RBFOX1: variants seen among roughly 807,000 people sequenced by gnomAD.
The protein encoded by RBFOX1 is RNA binding protein fox-1 homolog 1.
In RBFOX1, 8 loss-of-function variants were observed where a neutral mutation model predicts 57.7. The observed-to-expected ratio is 0.14, with a 90% CI of 0.08 to 0.25. The LOEUF is 0.25. Ranked by LOEUF, RBFOX1 falls within the 10% of genes least tolerant of loss-of-function variation. The pLI is 1.00. For missense variants in RBFOX1, 611 were observed against 548.5 expected, an observed-to-expected ratio of 1.11 and a Z score of -1.14; for synonymous variants, 326 against 222.4, an observed-to-expected ratio of 1.47 and a Z score of -4.15.
intron 2 of RBFOX1, among the ~76,000 whole-genome samples, chr16:5,543,215 G>T (rs1277668340): frequency 6.6e-6 from 1 of 152,130 alleles, no homozygotes; most frequent in Non-Finnish European, 1.5e-5. Flanking sequence ...AAAGAAGCAT[G>T]AAAATACAAC....
At position 6,837,932 on chromosome 16, in the gene RBFOX1, A is replaced by T. The variant is rs1245508818; in HGVS notation, c.-16+183282A>T. Among the ~76,000 whole-genome samples the T allele has an allele frequency of 2.0e-5, 3 of 152,018 alleles. No individual in the cohort carries two copies. In the East Asian group the frequency reaches 5.8e-4, roughly 29 times the overall value. Reference sequence around the variant, plus strand: ...TTACTGTCACCATGGCAACAGCAGGAAGTTACCACCTCTTTCCATGGCAAC... The same window carrying T: ...TTACTGTCACCATGGCAACAGCAGGTAGTTACCACCTCTTTCCATGGCAAC... On this transcript the variant is annotated intron_variant, in intron 3 of 15. Transcript: ENST00000550418.
chr16:6,635,919 G>T (rs2098427312), intron 2 of RBFOX1, among the ~76,000 whole-genome samples: 2 of 152,114 alleles, frequency 1.3e-5, no homozygotes, highest in South Asian at 4.1e-4. Context: ...TTGGAATATT[G>T]ACACATACAT....
At chr16:5,633,965 C>G (rs1390048365) in intron 3 of RBFOX1, among the ~76,000 whole-genome samples, 1 of 152,118 alleles carries the variant, frequency 6.6e-6, no homozygotes, top group Admixed American at 6.6e-5. Context: ...ATCACGATGC[C>G]CATTTGAAGG....
At chr16:7,514,686 C>T (rs182688065) in intron 4 of RBFOX1, among the ~76,000 whole-genome samples, 4 of 152,186 alleles carry the variant, frequency 2.6e-5, no homozygotes, top group African/African-American at 7.2e-5. Context: ...AGCTGAGGGG[C>T]AGTAAATGTG....
chr16:5,260,346 A>G (rs1173341181), intron 1 of RBFOX1, among the ~76,000 whole-genome samples: 5 of 152,348 alleles, frequency 3.3e-5, no homozygotes, highest in Middle Eastern at 3.4e-3. Flanking sequence ...ATATTAAGTG[A>G]GCAGCATTCC....
chr16:6,094,933 G>A (rs2096225909), intron 1 of RBFOX1, among the ~76,000 whole-genome samples: 1 of 152,184 alleles, frequency 6.6e-6, no homozygotes, highest in South Asian at 2.1e-4. Context: ...GGTGGTGCAT[G>A]CCTGTAGTCC....
At chr16:7,442,057 C>G (rs2098772232) in intron 4 of RBFOX1, among the ~76,000 whole-genome samples, 1 of 152,202 alleles carries the variant, frequency 6.6e-6, no homozygotes, top group African/African-American at 2.4e-5. Flanking sequence ...TGGCACATAG[C>G]AGAAAACATC....
chr16:5,577,476 C>A (rs2046502381), intron 2 of RBFOX1, among the ~76,000 whole-genome samples: 1 of 152,080 alleles, frequency 6.6e-6, no homozygotes, highest in Non-Finnish European at 1.5e-5. Context: ...ATAATGAACA[C>A]CTGTGAGCTT....
chr16:5,374,000 C>T (rs760339713), intron 1 of RBFOX1, among the ~76,000 whole-genome samples: 1 of 152,238 alleles, frequency 6.6e-6, no homozygotes, highest in Admixed American at 6.5e-5. Context: ...TCACTGCAAC[C>T]TCCAGCTTCT....
chr16:5,358,849 A>G (rs2151332380), intron 1 of RBFOX1, among the ~76,000 whole-genome samples: 1 of 152,250 alleles, frequency 6.6e-6, no homozygotes, highest in East Asian at 1.9e-4. Flanking sequence ...AAAAAGTGCA[A>G]TTCAGTCATA....
At chr16:6,122,431 TG>T (rs772081071) in intron 1 of RBFOX1, among the ~76,000 whole-genome samples, 4 of 151,874 alleles carry the variant, frequency 2.6e-5, no homozygotes, top group Non-Finnish European at 4.4e-5. Context: ...TGGGAATTCT[TG>T]AATGAACAAA....
intron 3 of RBFOX1, among the ~76,000 whole-genome samples, chr16:6,923,670 C>G (rs897095596): frequency 4.6e-5 from 7 of 152,146 alleles, no homozygotes; most frequent in Non-Finnish European, 1.0e-4. Flanking sequence ...CCCACACACC[C>G]TTTACTCTTT....
At chr16:6,835,611 G>T (rs2093036160) in intron 3 of RBFOX1, among the ~76,000 whole-genome samples, 1 of 151,764 alleles carries the variant, frequency 6.6e-6, no homozygotes, top group East Asian at 1.9e-4. Context: ...AAAGTAGCTG[G>T]GCATGGTGGT....
intron 3 of RBFOX1, among the ~76,000 whole-genome samples, chr16:6,761,269 C>T (rs2076558121): frequency 6.6e-6 from 1 of 152,126 alleles, no homozygotes; most frequent in African/African-American, 2.4e-5. Flanking sequence ...GTCCGAAGGG[C>T]TAAGTGATTC....
At chr16:6,815,418 T>C (rs542007524) in intron 3 of RBFOX1, among the ~76,000 whole-genome samples, 1 of 152,266 alleles carries the variant, frequency 6.6e-6, no homozygotes, top group African/African-American at 2.4e-5. Flanking sequence ...ACCTAACCCC[T>C]TTTCAAGATG....
At chr16:6,598,804 G>T (rs563565386) in intron 2 of RBFOX1, among the ~76,000 whole-genome samples, 1 of 152,076 alleles carries the variant, frequency 6.6e-6, no homozygotes, top group South Asian at 2.1e-4. Context: ...AAATTAGCTG[G>T]GCATGGTGGC....
chr16:6,979,433 A>G (rs1018557535), intron 3 of RBFOX1, among the ~76,000 whole-genome samples: 1 of 152,222 alleles, frequency 6.6e-6, no homozygotes, highest in African/African-American at 2.4e-5. Flanking sequence ...AAGTCCTTTG[A>G]ACAGAAGAAA....
At chr16:5,457,749 A>G (rs1402133619) in intron 1 of RBFOX1, among the ~76,000 whole-genome samples, 2 of 152,196 alleles carry the variant, frequency 1.3e-5, no homozygotes, top group East Asian at 3.9e-4. Context: ...CAGTGTGACT[A>G]TCTGTGTGGA....
intron 3 of RBFOX1, among the ~76,000 whole-genome samples, chr16:6,842,716 C>T (rs1567514756): frequency 6.8e-6 from 1 of 147,050 alleles, no homozygotes; most frequent in African/African-American, 2.5e-5. Flanking sequence ...AGGTTTGTTA[C>T]ATAGGTATAC....
Sources: gnomAD v4.1 joint callset for allele counts (sites outside exome capture counted in the v4.1 genomes callset) on GRCh38, gnomAD v4.1.1 for gene constraint, MANE v1.5 for transcripts, NCBI Gene and HGNC (gene_info 2026-07-23, HGNC 2026-07-21) for gene names.